CAMKK2: variants seen among roughly 807,000 people sequenced by gnomAD.
CAMKK2 encodes calcium/calmodulin dependent protein kinase kinase 2, also known as calcium/calmodulin-dependent protein kinase kinase 2.
In CAMKK2, 30 loss-of-function variants were observed where a neutral mutation model predicts 67.2. The ratio of observed to expected loss-of-function variants is 0.45; its 90% confidence interval spans 0.33 to 0.61. CAMKK2 has a LOEUF of 0.61. Among genes scored for constraint, CAMKK2 ranks in the 20% least tolerant of loss-of-function variants. The pLI, the probability that CAMKK2 is intolerant of heterozygous loss-of-function variation, is 0.02. For synonymous variants in CAMKK2, 322 were observed against 326.2 expected (o/e 0.99, Z 0.14); for missense variants, 643 against 802.0 (o/e 0.80, Z 2.39).
chr12:121,252,409 T>C (rs1316278458), intron 11 of CAMKK2, among the ~76,000 whole-genome samples: 3 of 152,226 alleles, frequency 2.0e-5, no homozygotes, highest in African/African-American at 2.4e-5. Context: ...GCTGGGACTA[T>C]AGGCATGCGC....
intron 2 of CAMKK2, among the ~76,000 whole-genome samples, chr12:121,272,595 G>A (rs1420003758): frequency 1.3e-5 from 2 of 151,878 alleles, no homozygotes; most frequent in African/African-American, 4.8e-5. Flanking sequence ...GTGCACAGTG[G>A]CTCATGCCTG....
upstream of CAMKK2, chr12:121,297,624 C>G (rs1480923982): frequency 3.9e-6 from 2 of 517,144 alleles, no homozygotes; most frequent in South Asian, 2.8e-5. Context: ...ACCTGGAGGG[C>G]TCCCTGAACC....
intron 6 of CAMKK2, 84 bp from the exon 7 acceptor site, chr12:121,260,439 ATC>A (rs1463498170): frequency 1.5e-6 from 2 of 1,303,678 alleles, no homozygotes; most frequent in Non-Finnish European, 2.2e-6. Flanking sequence ...AGGAGGCAGC[ATC>A]CACGTGGCTG....
intron 1 of CAMKK2, among the ~76,000 whole-genome samples, chr12:121,292,529 G>T (rs1900261107): frequency 6.6e-6 from 1 of 152,176 alleles, no homozygotes; most frequent in Non-Finnish European, 1.5e-5. Context: ...AAAGGGAAAT[G>T]CAATTTCCTC....
At chr12:121,255,165 G>A (rs772896705) in intron 9 of CAMKK2, among the ~76,000 whole-genome samples, 2 of 119,902 alleles carry the variant, frequency 1.7e-5, no homozygotes, top group South Asian at 2.4e-4. Context: ...CCTTGTGATC[G>A]TGTAAGTTAA....
At chr12:121,275,474 A>G (rs1896619885) in intron 1 of CAMKK2, among the ~76,000 whole-genome samples, 1 of 142,382 alleles carries the variant, frequency 7.0e-6, no homozygotes. Context: ...ACTCAGCAAT[A>G]GACCAAGACT....
intron 14 of CAMKK2, among the ~76,000 whole-genome samples, chr12:121,246,038 C>T (rs1241283212): frequency 6.6e-6 from 1 of 151,908 alleles, no homozygotes; most frequent in African/African-American, 2.4e-5. Context: ...CACCAGAATA[C>T]ACAAATCTAT....
chr12:121,284,614 C>T (rs570095130), intron 1 of CAMKK2, among the ~76,000 whole-genome samples: 14 of 152,266 alleles, frequency 9.2e-5, no homozygotes, highest in Middle Eastern at 3.4e-3. Flanking sequence ...CATGAGTCAC[C>T]GCACCCGGCC....
chr12:121,288,061 G>A (rs1433273263), intron 1 of CAMKK2, among the ~76,000 whole-genome samples: 1 of 152,216 alleles, frequency 6.6e-6, no homozygotes, highest in African/African-American at 2.4e-5. Flanking sequence ...GCTTACGAAT[G>A]TGTGGGTGAG....
Position 121,249,997 on chromosome 12 carries a change from C to G in CAMKK2, c.1199G>C (p.Ser400Thr). ...FMDERIMCLHSKIKSQALEFP... is the reference protein window; with the variant it reads ...FMDERIMCLHTKIKSQALEFP... ...TTCCAGGGCCTGACTCTTGATCTTA[C>G]TGTGTAAACACATGATCCGCTCGTC... The change falls in exon 12 of 17, where the codon AGT becomes ACT. Residue 400 changes from serine (S) to threonine (T), a missense_variant. This residue lies in a region of CAMKK2 where 483 missense variants were observed against 625.8 expected (regional missense o/e 0.77). Coordinates refer to ENST00000404169, the MANE Select transcript of CAMKK2 (RefSeq NM_001270485.2). 1 of 1,614,068 alleles carries G rather than the reference C, an allele frequency of 6.2e-7. No individual in the cohort carries two copies. The highest frequency in any genetic ancestry group is 1.1e-5 in the South Asian group (1 of 91,060).
At chr12:121,263,635 G>GA (rs75657508) in intron 6 of CAMKK2, among the ~76,000 whole-genome samples, 171 bp downstream of exon 6, 11,769 of 152,194 alleles carry the variant, frequency 0.077, 642 homozygotes, top group East Asian at 0.27. Context: ...AGAAAGAAGA[G>GA]AAAAAATAGT....
At chr12:121,275,790 G>A (rs183017796) in intron 1 of CAMKK2, among the ~76,000 whole-genome samples, 3 of 152,238 alleles carry the variant, frequency 2.0e-5, no homozygotes, top group East Asian at 3.9e-4. Context: ...TGGTTGCACA[G>A]CATTGTGAAC....
At chr12:121,243,087 G>A (rs1888698137) in intron 16 of CAMKK2, among the ~76,000 whole-genome samples, 1 of 148,976 alleles carries the variant, frequency 6.7e-6, no homozygotes, top group South Asian at 2.1e-4. Context: ...AGGCTGGAGT[G>A]CAATGACGTG....
chr12:121,295,807 A>G (rs1214229584), intron 1 of CAMKK2, among the ~76,000 whole-genome samples: 1 of 152,090 alleles, frequency 6.6e-6, no homozygotes, highest in Non-Finnish European at 1.5e-5. Context: ...ACTAAGTGAG[A>G]GTGGCCAGGA....
chr12:121,252,586 G>A, intron 11 of CAMKK2, 75 bp downstream of exon 11: 1 of 1,370,344 alleles, frequency 7.3e-7, no homozygotes, highest in East Asian at 2.3e-5. Context: ...AGTAAGTACT[G>A]TCTCCCCGCA....
chr12:121,274,363 A>G lies in CAMKK2; in HGVS notation c.164T>C (p.Val55Ala), dbSNP rs776517605. The G allele has an allele frequency of 1.1e-5, 17 of 1,613,552 alleles. No homozygotes were observed. The African/African-American group carries it at 2.0e-4, about 19-fold the overall frequency. The change falls in exon 2 of 17, where the codon GTC becomes GCC. Residue 55 changes from valine to alanine, a missense_variant. By Grantham distance (64) the Val-to-Ala change is moderately conservative (BLOSUM62 0). Coordinates refer to ENST00000404169, the MANE Select transcript of CAMKK2 (RefSeq NM_001270485.2). ...AGCACAGCCCGGCTCACACTCGGTG[A>G]CCACAATGAAGGACTCCATGCCCAG... ...IHLGMESFIV[V>A]TECEPGCAVD... is the part of the protein sequence containing the mutation.
chr12:121,257,583 G>A (rs1892599691), intron 7 of CAMKK2, among the ~76,000 whole-genome samples: 1 of 152,140 alleles, frequency 6.6e-6, no homozygotes, highest in African/African-American at 2.4e-5. Context: ...TCCAAGGGCT[G>A]AGGTGGCCAA....
chr12:121,282,061 G>A (rs1386143973), intron 1 of CAMKK2, among the ~76,000 whole-genome samples: 1 of 152,282 alleles, frequency 6.6e-6, no homozygotes, highest in Middle Eastern at 3.4e-3. Context: ...GGAGGCGGTG[G>A]GTGAAAGAAG....
At chr12:121,260,250 G>T in intron 7 of CAMKK2, 69 bp downstream of exon 7, 3 of 1,376,848 alleles carry the variant, frequency 2.2e-6, no homozygotes, top group South Asian at 1.3e-5. Flanking sequence ...AGGCTGCCTC[G>T]AGAGGACCCC....
Sources: gnomAD v4.1 joint callset for allele counts (sites outside exome capture counted in the v4.1 genomes callset) on GRCh38, gnomAD v4.1.1 for gene constraint, gnomAD v4.1.1 regional missense constraint, MANE v1.5 for transcripts, NCBI Gene and HGNC (gene_info 2026-07-23, HGNC 2026-07-21) for gene names.